TNFRSF10A: variants seen among roughly 807,000 people sequenced by gnomAD.
The protein encoded by TNFRSF10A is tumor necrosis factor receptor superfamily member 10A.
Under a neutral mutation model 42.8 loss-of-function variants are expected in TNFRSF10A, and 44 were observed. The observed-to-expected ratio is 1.03, with a 90% CI of 0.81 to 1.32. TNFRSF10A has a LOEUF of 1.32. Among genes scored for constraint, TNFRSF10A ranks in the 40% most tolerant of loss-of-function variants. The pLI, the probability that TNFRSF10A is intolerant of heterozygous loss-of-function variation, is 0.00. For synonymous variants in TNFRSF10A, 259 were observed against 234.2 expected (o/e 1.11, Z -0.97); for missense variants, 680 against 602.0 (o/e 1.13, Z -1.36).
chr8:23,201,969 T>C (rs1379829498), intron 3 of TNFRSF10A, 50 bp from the exon 4 acceptor site: 1 of 1,559,078 alleles, frequency 6.4e-7, no homozygotes. Flanking sequence ...GACGTGTCCC[T>C]TGACCTTTCC....
In TNFRSF10A at chr8:23,201,727, A is replaced by G. The variant is rs1585281586; in HGVS notation, c.629+81T>C. 43 of 1,290,830 alleles carry G rather than the reference A, an allele frequency of 3.3e-5. No homozygotes were observed. In the East Asian group the frequency reaches 1.0e-3, roughly 30 times the overall value. 80.0% of individuals were successfully genotyped at this position (1,290,830 alleles called of 1,614,324 possible). A position where few individuals can be genotyped will look rare whatever the true frequency, so the allele number is the denominator to read the frequency against. On this transcript the variant is annotated intron_variant, in intron 4 of 9. Transcript: ENST00000221132. ...GGTCAGGGCTGATAGATACGGGTACAAGGAGACTCGGGTCTTTTTAGGGTT... is the reference window on the plus strand; with the variant it reads ...GGTCAGGGCTGATAGATACGGGTACGAGGAGACTCGGGTCTTTTTAGGGTT...
intron 1 of TNFRSF10A, chr8:23,224,367 T>A: frequency 5.8e-6 from 1 of 173,308 alleles, no homozygotes; most frequent in Non-Finnish European, 1.2e-5. Context: ...AATCAGGGAG[T>A]GGGGAGAATG....
chr8:23,211,558 T>C (rs1400030593), intron 2 of TNFRSF10A, among the ~76,000 whole-genome samples: 4 of 152,064 alleles, frequency 2.6e-5, no homozygotes, highest in East Asian at 1.9e-4. Flanking sequence ...AAAATTAATA[T>C]GGAATTTCAA....
intron 3 of TNFRSF10A, 71 bp from the exon 4 acceptor site, chr8:23,201,990 A>T: frequency 2.9e-6 from 4 of 1,366,652 alleles, no homozygotes; most frequent in Non-Finnish European, 4.1e-6. Flanking sequence ...TCACCACCCC[A>T]ACTCCCTCCC....
At chr8:23,204,326 C>G (rs1228360827) in intron 2 of TNFRSF10A, among the ~76,000 whole-genome samples, 1 of 152,108 alleles carries the variant, frequency 6.6e-6, no homozygotes, top group Admixed American at 6.6e-5. Context: ...CCTTCTCAGT[C>G]TCACGAGAAA....
Position 23,191,511 on chromosome 8 carries a change from G to T in TNFRSF10A, c.*183C>A. ...GACGGCATTTCACGATGTTGGTCAG[G>T]CTGGTCTTGAACTTCTGACCTCAAG... On this transcript the variant is annotated 3_prime_UTR_variant, in exon 10 of 10. Coordinates refer to ENST00000221132, the MANE Select transcript of TNFRSF10A (RefSeq NM_003844.4). 1.3e-6 allele frequency: 1 copy of T among 770,030 alleles called. No homozygotes were observed. Among genetic ancestry groups the T allele is most frequent in the Non-Finnish European group, 2.0e-6 (1 of 500,030 alleles). 47.7% of individuals were successfully genotyped at this position (770,030 alleles called of 1,614,324 possible).
chr8:23,197,333 TG>T (rs1346933753), intron 8 of TNFRSF10A, 129 bp from the exon 9 acceptor site: 1 of 1,100,430 alleles, frequency 9.1e-7, no homozygotes, highest in Non-Finnish European at 1.4e-6. Flanking sequence ...ATGGAGATGG[TG>T]AAAAACCTCT....
intron 9 of TNFRSF10A, 99 bp from the exon 10 acceptor site, chr8:23,192,112 T>G: frequency 6.7e-7 from 1 of 1,501,616 alleles, no homozygotes. Flanking sequence ...GGAGAGAACC[T>G]GGAGAGCCCC....
At chr8:23,202,568 T>C (rs1395754895) in intron 3 of TNFRSF10A, 80 bp downstream of exon 3, 9 of 1,127,234 alleles carry the variant, frequency 8.0e-6, no homozygotes, top group Non-Finnish European at 1.1e-5. Flanking sequence ...GGAACTTGGT[T>C]CCCTGACTCA....
chr8:23,212,226 G>A lies in TNFRSF10A; in HGVS notation c.307-14C>T. ...GCTAGGTACGACCTGTGGGGACAAA[G>A]CAGGGACTGGCATGAGTGGCTTCCA... On this transcript the variant is annotated splice_polypyrimidine_tract_variant and intron_variant, in intron 1 of 9. Coordinates refer to ENST00000221132, the MANE Select transcript of TNFRSF10A (RefSeq NM_003844.4). 6.2e-7 allele frequency: 1 copy of A among 1,609,784 alleles called. No individual in the cohort carries two copies.
chr8:23,200,591 T>C lies in TNFRSF10A; in HGVS notation c.713A>G (p.His238Arg). The C allele has an allele frequency of 6.2e-7, 1 of 1,614,200 alleles. No homozygotes were observed. Among genetic ancestry groups the C allele is most frequent in the Non-Finnish European group, 8.5e-7 (1 of 1,180,012 alleles). Residue 238 changes from histidine to arginine, a missense_variant, in exon 6 of 10, where the codon CAT (histidine) becomes CGT (arginine). Physicochemically the swap from His to Arg is conservative, Grantham distance 29. Coordinates refer to ENST00000221132, the MANE Select transcript of TNFRSF10A (RefSeq NM_003844.4). ...ECVHKESGNG[H>R]NIWVILVVTL... ...CACAACCAAAATCACCCATATATTA[T>C]GTCCATTGCCTGAGAAAAGACAGGA...
chr8:23,195,586 G>A (rs1226408513), intron 9 of TNFRSF10A, among the ~76,000 whole-genome samples: 1 of 152,204 alleles, frequency 6.6e-6, no homozygotes, highest in African/African-American at 2.4e-5. Context: ...ATGGCCTCGT[G>A]AGAGGTTCCA....
At chr8:23,205,909 G>C (rs1300238775) in intron 2 of TNFRSF10A, among the ~76,000 whole-genome samples, 2 of 151,832 alleles carry the variant, frequency 1.3e-5, no homozygotes, top group Admixed American at 1.3e-4. Context: ...GTAGAGACAG[G>C]GTTTCACTGT....
chr8:23,199,783 G>A (rs1449936764), intron 7 of TNFRSF10A, 103 bp downstream of exon 7: 1 of 1,510,488 alleles, frequency 6.6e-7, no homozygotes, highest in African/African-American at 1.4e-5. Flanking sequence ...AGAGACTCAG[G>A]GCAGCCATGA....
chr8:23,201,698 A>C, intron 4 of TNFRSF10A, 110 bp downstream of exon 4: 1 of 997,100 alleles, frequency 1.0e-6, no homozygotes, highest in African/African-American at 1.6e-5. Flanking sequence ...TGGAGGCACC[A>C]TGGGGTCAGG....
intron 2 of TNFRSF10A, among the ~76,000 whole-genome samples, chr8:23,210,487 C>G (rs1409335886): frequency 6.6e-6 from 1 of 152,104 alleles, no homozygotes; most frequent in Non-Finnish European, 1.5e-5. Context: ...CTAGACCATC[C>G]TGGTTAACAC....
intron 2 of TNFRSF10A, among the ~76,000 whole-genome samples, chr8:23,203,606 C>A (rs1231968360): frequency 6.6e-6 from 1 of 152,184 alleles, no homozygotes; most frequent in African/African-American, 2.4e-5. Context: ...ATTTATTTAT[C>A]CCTCTCCTCT....
At chr8:23,208,855 A>C (rs1213167434) in intron 2 of TNFRSF10A, among the ~76,000 whole-genome samples, 1 of 152,252 alleles carries the variant, frequency 6.6e-6, no homozygotes, top group African/African-American at 2.4e-5. Context: ...GGAGAAATTA[A>C]AGATGGCTGC....
At chr8:23,220,156 C>A (rs1046784403) in intron 1 of TNFRSF10A, among the ~76,000 whole-genome samples, 2 of 152,212 alleles carry the variant, frequency 1.3e-5, no homozygotes, top group African/African-American at 4.8e-5. Flanking sequence ...CCGGAAGAGG[C>A]CCTTCCCAGT....
Sources: allele counts gnomAD v4.1 joint callset (sites outside exome capture counted in the v4.1 genomes callset), GRCh38; gene constraint gnomAD v4.1.1; transcripts MANE v1.5; gene names NCBI Gene and HGNC (gene_info 2026-07-23, HGNC 2026-07-21).